SLC14A2: variants seen among roughly 807,000 people sequenced by gnomAD.
SLC14A2 encodes the protein urea transporter 2.
Under a neutral mutation model 104.6 loss-of-function variants are expected in SLC14A2, and 91 were observed. The ratio of observed to expected loss-of-function variants is 0.87; its 90% confidence interval spans 0.73 to 1.04. The LOEUF (loss-of-function observed/expected upper bound fraction) is 1.04, where lower values mean the gene tolerates loss of function less well. Among genes scored for constraint, SLC14A2 ranks in the 50% least tolerant of loss-of-function variants. SLC14A2 has a pLI of 0.00. For missense variants in SLC14A2, 1,189 were observed against 1,156.0 expected, an observed-to-expected ratio of 1.03 and a Z score of -0.41; for synonymous variants, 476 against 466.4, an observed-to-expected ratio of 1.02 and a Z score of -0.27.
At chr18:45,314,862 C>T (rs941077227) in intron 1 of SLC14A2, among the ~76,000 whole-genome samples, 3 of 152,064 alleles carry the variant, frequency 2.0e-5, no homozygotes, top group Admixed American at 6.6e-5. Flanking sequence ...TAAAAGGGGG[C>T]GCAGAGATAA....
chr18:45,370,416 T>A (rs1037712554), intron 1 of SLC14A2, among the ~76,000 whole-genome samples: 3 of 152,132 alleles, frequency 2.0e-5, no homozygotes, highest in Non-Finnish European at 4.4e-5. Flanking sequence ...AGAGGCCTGT[T>A]TTTCCCTTAA....
chr18:45,214,975 T>C (rs1338242689), intron 1 of SLC14A2, among the ~76,000 whole-genome samples: 1 of 150,786 alleles, frequency 6.6e-6, no homozygotes, highest in Non-Finnish European at 1.5e-5. Context: ...TAATAGCTTA[T>C]ATCCAGTGAG....
chr18:45,357,237 ATTTTTTT>A (rs56321113), intron 1 of SLC14A2, among the ~76,000 whole-genome samples: 8 of 126,440 alleles, frequency 6.3e-5, no homozygotes, highest in Admixed American at 1.6e-4. Context: ...TTGGGACACA[ATTTTTTT>A]TTTTTTTTTT....
chr18:45,209,180 CAAAAAA>C (rs71372700), upstream of SLC14A2, among the ~76,000 whole-genome samples: 223 of 83,868 alleles, frequency 2.7e-3, no homozygotes, highest in East Asian at 3.4e-3. Context: ...ATTAAAAATA[CAAAAAA>C]AAAAAAAAAA....
intron 2 of SLC14A2, among the ~76,000 whole-genome samples, chr18:45,544,507 C>T (rs749576680): frequency 4.6e-5 from 7 of 152,046 alleles, no homozygotes; most frequent in East Asian, 3.9e-4. Context: ...TTATAAAAAA[C>T]GACACAAAAA....
chr18:45,510,231 T>C (rs1367365669), intron 2 of SLC14A2, among the ~76,000 whole-genome samples: 1 of 152,050 alleles, frequency 6.6e-6, no homozygotes, highest in African/African-American at 2.4e-5. Context: ...AATGTGACAA[T>C]AGATTTGTGT....
intron 5 of SLC14A2, chr18:45,634,883 A>G (rs1285586564): frequency 2.2e-6 from 1 of 456,930 alleles, no homozygotes; most frequent in Non-Finnish European, 4.4e-6. Flanking sequence ...ACAATAATCC[A>G]CAATTGTCTG....
intron 2 of SLC14A2, among the ~76,000 whole-genome samples, chr18:45,590,737 C>G (rs1682393): frequency 6.6e-6 from 1 of 152,248 alleles, no homozygotes; most frequent in Admixed American, 6.5e-5. Flanking sequence ...TCTGACCCAG[C>G]TGCCAGGGAC....
intron 17 of SLC14A2, 91 bp from the exon 18 acceptor site, chr18:45,673,592 C>G: frequency 7.0e-7 from 1 of 1,419,562 alleles, no homozygotes; most frequent in Non-Finnish European, 9.7e-7. Flanking sequence ...ATAACTGGCT[C>G]CGGGCTTTGA....
intron 1 of SLC14A2, among the ~76,000 whole-genome samples, chr18:45,354,077 G>C (rs575553728): frequency 6.6e-6 from 1 of 152,062 alleles, no homozygotes; most frequent in Non-Finnish European, 1.5e-5. Flanking sequence ...GTAATTTTTC[G>C]CAGGGGGTAG....
chr18:45,593,867 C>T (rs1189497478), intron 2 of SLC14A2, among the ~76,000 whole-genome samples: 1 of 152,120 alleles, frequency 6.6e-6, no homozygotes. Context: ...CTCTAGTATT[C>T]GAGCTAAGTA....
intron 1 of SLC14A2, among the ~76,000 whole-genome samples, chr18:45,392,849 A>G (rs1047526619): frequency 6.6e-6 from 1 of 152,232 alleles, no homozygotes; most frequent in Non-Finnish European, 1.5e-5. Flanking sequence ...TAAAGCATGA[A>G]AAGGTTTTTC....
chr18:45,312,005 A>C (rs894987496), intron 1 of SLC14A2, among the ~76,000 whole-genome samples: 2 of 152,232 alleles, frequency 1.3e-5, no homozygotes, highest in African/African-American at 4.8e-5. Flanking sequence ...AAGAAGTCTT[A>C]GTGAGTGACC....
chr18:45,651,478 T>A (rs927459499), intron 10 of SLC14A2, among the ~76,000 whole-genome samples: 1 of 151,956 alleles, frequency 6.6e-6, no homozygotes, highest in Non-Finnish European at 1.5e-5. Context: ...ACAGAGGGAG[T>A]GCACTAGGTA....
chr18:45,341,400 G>A lies in SLC14A2; in HGVS notation c.-125+128209G>A, dbSNP rs545401335. On this transcript the variant is annotated intron_variant, in intron 1 of 20. Transcript: ENST00000586448. ...CATGCACAGAGTGGTGAAAAATTAC[G>A]GTGGCCTGAAAAGAAAGTTCCCAGC... is the stretch of plus-strand genomic sequence containing the variant. Among the ~76,000 whole-genome samples the A allele has an allele frequency of 1.6e-4, 25 of 152,070 alleles. No homozygotes were observed. The South Asian group carries it at 4.0e-3, about 24-fold the overall frequency.
At chr18:45,292,659 G>A (rs919188486) in intron 1 of SLC14A2, among the ~76,000 whole-genome samples, 14 of 152,124 alleles carry the variant, frequency 9.2e-5, no homozygotes, top group African/African-American at 3.4e-4. Flanking sequence ...AGTCTTATGG[G>A]AAATTGATAA....
intron 2 of SLC14A2, among the ~76,000 whole-genome samples, chr18:45,565,853 A>T (rs566566775): frequency 2.6e-5 from 4 of 152,176 alleles, no homozygotes; most frequent in African/African-American, 9.6e-5. Flanking sequence ...CACTCCAATA[A>T]ATCATCCCAG....
At chr18:45,427,824 C>T (rs2086456654) in intron 1 of SLC14A2, among the ~76,000 whole-genome samples, 1 of 152,260 alleles carries the variant, frequency 6.6e-6, no homozygotes. Flanking sequence ...AGCAGGAGAT[C>T]CTGGCATCAG....
intron 1 of SLC14A2, among the ~76,000 whole-genome samples, chr18:45,462,021 A>C (rs1360413382): frequency 2.6e-5 from 4 of 152,232 alleles, no homozygotes; most frequent in African/African-American, 9.6e-5. Flanking sequence ...CCTAGTTGCC[A>C]GTGCTACCTG....
Sources: gnomAD v4.1 joint callset for allele counts (sites outside exome capture counted in the v4.1 genomes callset) on GRCh38, gnomAD v4.1.1 for gene constraint, MANE v1.5 for transcripts, NCBI Gene and HGNC (gene_info 2026-07-23, HGNC 2026-07-21) for gene names.